TPCN2: variants seen among roughly 807,000 people sequenced by gnomAD.
TPCN2 encodes two pore channel protein 2.
TPCN2 carries 92 observed loss-of-function variants against 111.4 expected under a neutral mutation model. That is an observed-to-expected ratio of 0.83 (90% confidence interval 0.70 to 0.98). The LOEUF is 0.98. Ranked by LOEUF, TPCN2 falls within the 50% of genes least tolerant of loss-of-function variation. TPCN2 has a pLI of 0.00. For missense variants in TPCN2, 995 were observed against 980.1 expected (o/e 1.02, Z -0.20); for synonymous variants, 405 against 414.5 (o/e 0.98, Z 0.28).
At chr11:69,064,219 C>T (rs1046062106) in intron 7 of TPCN2, among the ~76,000 whole-genome samples, 6 of 152,072 alleles carry the variant, frequency 3.9e-5, no homozygotes, top group African/African-American at 1.4e-4. Context: ...TGGCTGTCCG[C>T]TCCCACCCTC....
chr11:69,049,147 C>T, intron 1 of TPCN2, 41 bp downstream of exon 1: 1 of 1,177,524 alleles, frequency 8.5e-7, no homozygotes, highest in Non-Finnish European at 1.1e-6. Context: ...GCCCGGGAGA[C>T]CAGGGTCGCG....
At chr11:69,067,451 C>T in intron 7 of TPCN2, 52 bp from the exon 8 acceptor site, 4 of 1,537,574 alleles carry the variant, frequency 2.6e-6, no homozygotes, top group Non-Finnish European at 3.6e-6. Context: ...TGGAGCTCAG[C>T]CTGTGGGGTG....
At chr11:69,060,810 C>G (rs1025315523) in intron 5 of TPCN2, among the ~76,000 whole-genome samples, 12 of 152,172 alleles carry the variant, frequency 7.9e-5, no homozygotes, top group African/African-American at 2.4e-4. Flanking sequence ...CTGAAAGAAG[C>G]CTTTGTTATC....
At chr11:69,072,571 G>C in intron 11 of TPCN2, 56 bp from the exon 12 acceptor site, 1 of 1,586,780 alleles carries the variant, frequency 6.3e-7, no homozygotes, top group Non-Finnish European at 8.6e-7. Flanking sequence ...CCCAGGCCAG[G>C]GTTCCAAGGG....
At chr11:69,083,267 C>T (rs146207620) in intron 18 of TPCN2, 3 of 153,004 alleles carry the variant, frequency 2.0e-5, no homozygotes, top group African/African-American at 4.8e-5. Context: ...GGACCTCTCA[C>T]GTGAGTATAT....
rs6591368 is a variant in TPCN2 at position 69,067,500 on chromosome 11, T to C, written c.727-3T>C. On this transcript the variant is annotated splice_polypyrimidine_tract_variant and splice_region_variant and intron_variant, in intron 7 of 24. Transcript: ENST00000294309. ...GCCCTGGAGCTGCCGCTTCTGCTCT[T>C]AGCAGGATGATGGGCAGGACAGGGA... 0.98 allele frequency: 1,579,610 copies of C among 1,612,790 alleles called. 775,195 individuals are homozygous for C. Among genetic ancestry groups the C allele is most frequent in the Non-Finnish European group, 1 (1,177,748 of 1,179,872 alleles).
intron 8 of TPCN2, among the ~76,000 whole-genome samples, chr11:69,068,167 G>C (rs1855357138): frequency 6.6e-6 from 1 of 152,232 alleles, no homozygotes; most frequent in African/African-American, 2.4e-5. Flanking sequence ...CACGGTCCTG[G>C]GCTTGGCTGT....
In TPCN2 at chr11:69,082,564, G is replaced by T. The variant is rs556565144; in HGVS notation, c.1689+1065G>T. 3.3e-5 allele frequency among the ~76,000 whole-genome samples: 5 copies of T among 150,996 alleles called. No homozygotes were observed. In the East Asian group the frequency reaches 5.9e-4, roughly 18 times the overall value. On this transcript the variant is annotated intron_variant, in intron 18 of 24. Transcript: ENST00000294309. Reference sequence around the variant, plus strand: ...ATGTGAACTCGTGCCCGGGTAAGACGCATGATCGTGTGTGCACACATCGCA... The same window carrying T: ...ATGTGAACTCGTGCCCGGGTAAGACTCATGATCGTGTGTGCACACATCGCA...
At chr11:69,083,118 AG>A (rs1337989016) in intron 18 of TPCN2, 2 of 152,710 alleles carry the variant, frequency 1.3e-5, no homozygotes, top group African/African-American at 4.8e-5. Flanking sequence ...TGCCCGTGTA[AG>A]ATGCATGATC....
chr11:69,054,316 G>C (rs1452470425), intron 2 of TPCN2: 4 of 589,938 alleles, frequency 6.8e-6, no homozygotes, highest in Non-Finnish European at 9.1e-6. Context: ...ACCGTGTTCT[G>C]AGGCCTGTTG....
At chr11:69,056,632 T>G (rs1319570017) in intron 4 of TPCN2, among the ~76,000 whole-genome samples, 1 of 149,106 alleles carries the variant, frequency 6.7e-6, no homozygotes, top group African/African-American at 2.5e-5. Flanking sequence ...CTCCTGGGTT[T>G]AGGTGATTCT....
chr11:69,081,336 TC>T lies in TPCN2; in HGVS notation c.1590-62del, dbSNP rs1475181165. 5.0e-6 allele frequency: 6 copies of T among 1,199,878 alleles called. No homozygotes were observed. In the African/African-American group the frequency reaches 6.0e-5, roughly 12 times the overall value. 74.3% of individuals were successfully genotyped at this position (1,199,878 alleles called of 1,614,324 possible). Reference sequence around the variant, plus strand: ...GCCTCCGTCCAGGAACCCGCGCGTTTCCTTGTCTCCTCCCTGTGGGGCTCCT... The same window carrying T: ...GCCTCCGTCCAGGAACCCGCGCGTTTCTTGTCTCCTCCCTGTGGGGCTCCT... On this transcript the variant is annotated intron_variant, in intron 17 of 24. Coordinates refer to ENST00000294309, the MANE Select transcript of TPCN2 (RefSeq NM_139075.4).
chr11:69,071,117 AGCTTCACCCCAGGGATCCCCCACCAACAG>A (rs1855515480), intron 9 of TPCN2, among the ~76,000 whole-genome samples: 1 of 43,142 alleles, frequency 2.3e-5, no homozygotes, highest in African/African-American at 7.3e-5. Flanking sequence ...CCCCACCAAC[AGCTTCACCCCAGGGATCCCCCACCAACAG>A]CTTCACCCCA....
chr11:69,082,272 A>G (rs888690813), intron 18 of TPCN2, among the ~76,000 whole-genome samples: 9 of 152,248 alleles, frequency 5.9e-5, no homozygotes, highest in African/African-American at 2.2e-4. Flanking sequence ...TATACAATAC[A>G]GCCAAGCACA....
At position 69,086,542 on chromosome 11, in the gene TPCN2, GTAT is replaced by G. The variant is rs766225698; in HGVS notation, c.2025_2027del (p.Leu676del). 31 of 1,614,060 alleles carry G rather than the reference GTAT, an allele frequency of 1.9e-5. 1 individual carries two copies. The highest frequency in any genetic ancestry group is 6.6e-5 in the South Asian group (6 of 91,078). ...CCGCAGGTGGTCCAAGATCTATTTT[GTAT>G]TGTGGTGGCTGGTGTCGTCTGTCAT... On this transcript the variant is annotated inframe_deletion, in exon 23 of 25. Coordinates refer to ENST00000294309, the MANE Select transcript of TPCN2 (RefSeq NM_139075.4).
chr11:69,072,862 A>G (rs1347351619), intron 12 of TPCN2, 53 bp from the exon 13 acceptor site: 3 of 1,536,920 alleles, frequency 2.0e-6, no homozygotes, highest in African/African-American at 1.4e-5. Flanking sequence ...CTCACCTTCG[A>G]GGGCGCTCAC....
chr11:69,083,613 C>T (rs954003246), intron 18 of TPCN2, among the ~76,000 whole-genome samples: 4 of 152,158 alleles, frequency 2.6e-5, no homozygotes, highest in Admixed American at 2.0e-4. Context: ...ATTTGAAGTC[C>T]GTGCTTGAAT....
chr11:69,052,010 G>A (rs190703140), intron 1 of TPCN2, among the ~76,000 whole-genome samples: 1 of 152,290 alleles, frequency 6.6e-6, no homozygotes, highest in East Asian at 1.9e-4. Context: ...CGAGATCCTT[G>A]GGCTGTTGCA....
chr11:69,058,467 G>A (rs1289676611), intron 5 of TPCN2, among the ~76,000 whole-genome samples: 2 of 152,186 alleles, frequency 1.3e-5, no homozygotes, highest in South Asian at 2.1e-4. Flanking sequence ...AGGGGGTGCT[G>A]TCTGGTGGGC....
Sources: gnomAD v4.1 joint callset for allele counts (sites outside exome capture counted in the v4.1 genomes callset) on GRCh38, gnomAD v4.1.1 for gene constraint, MANE v1.5 for transcripts, NCBI Gene and HGNC (gene_info 2026-07-23, HGNC 2026-07-21) for gene names.